The following STK17A variants were observed in gnomAD, a reference collection of about 807,000 sequenced individuals.
The protein encoded by STK17A is serine/threonine-protein kinase 17A.
In STK17A, 26 loss-of-function variants were observed where a neutral mutation model predicts 43.7. The ratio of observed to expected loss-of-function variants is 0.60; its 90% CI spans 0.44 to 0.83. STK17A has a LOEUF of 0.83. Among genes scored for constraint, STK17A ranks in the 40% least tolerant of loss-of-function variants. STK17A has a pLI of 0.00. For missense variants in STK17A, 476 were observed against 511.6 expected, an observed-to-expected ratio of 0.93 and a Z score of 0.67; for synonymous variants, 191 against 182.5, an observed-to-expected ratio of 1.05 and a Z score of -0.38.
chr7:43,625,663 G>A lies in STK17A; in HGVS notation c.*821G>A, dbSNP rs1020048263. On this transcript the variant is annotated 3_prime_UTR_variant, in exon 7 of 7. Transcript: ENST00000319357. ...TAATTTTGGCCACTTGTAGGTATCA[G>A]TGTGATCTGATCAACACTCTGGTTA... is the stretch of plus-strand genomic sequence containing the variant. 2 of 152,330 alleles carry A rather than the reference G, an allele frequency of 1.3e-5. No homozygotes were observed. The highest frequency in any genetic ancestry group is 4.8e-5 in the African/African-American group (2 of 41,388). The allele number at this position is 152,330 out of a possible 1,614,324, so 9.4% of individuals were successfully genotyped here. A position where few individuals can be genotyped will look rare whatever the true frequency, so the allele number is the denominator to read the frequency against.
At chr7:43,611,675 C>G (rs2082892663) in intron 3 of STK17A, among the ~76,000 whole-genome samples, 1 of 152,200 alleles carries the variant, frequency 6.6e-6, no homozygotes, top group African/African-American at 2.4e-5. Flanking sequence ...TGGGCTAATA[C>G]TTTAAGTATT....
At chr7:43,589,932 A>AT (rs1428027542) in intron 1 of STK17A, among the ~76,000 whole-genome samples, 13 of 113,442 alleles carry the variant, frequency 1.1e-4, no homozygotes, top group South Asian at 5.1e-4. Flanking sequence ...TTTAATTTTA[A>AT]TTTTAATTTT....
At chr7:43,593,023 AC>A (rs539515510) in intron 1 of STK17A, among the ~76,000 whole-genome samples, 60 of 152,320 alleles carry the variant, frequency 3.9e-4, no homozygotes, top group African/African-American at 1.4e-3. Flanking sequence ...TGTGCTCATC[AC>A]CTAAATAGCG....
At chr7:43,618,701 T>C (rs539646738) in intron 3 of STK17A, among the ~76,000 whole-genome samples, 12 of 152,352 alleles carry the variant, frequency 7.9e-5, no homozygotes, top group African/African-American at 2.9e-4. Flanking sequence ...TGTGAAAGTA[T>C]CTTAGGTTAT....
In STK17A at chr7:43,587,025, G is replaced by A. The variant is rs372965975; in HGVS notation, c.206+3576G>A. 2.1e-4 allele frequency among the ~76,000 whole-genome samples: 32 copies of A among 151,116 alleles called. 1 individual carries two copies. Among genetic ancestry groups the A allele is most frequent in the African/African-American group, 7.8e-4 (32 of 41,264 alleles). ...AGTCTTGTGAGAGATAACAGAGCTGGGACTCCTGACTTTGAAATCATTCCC... is the reference window on the plus strand; with the variant it reads ...AGTCTTGTGAGAGATAACAGAGCTGAGACTCCTGACTTTGAAATCATTCCC... On this transcript the variant is annotated intron_variant, in intron 1 of 6. Transcript: ENST00000319357.
chr7:43,608,481 A>T (rs1251003528), intron 3 of STK17A, 81 bp downstream of exon 3: 4 of 1,487,782 alleles, frequency 2.7e-6, no homozygotes, highest in Non-Finnish European at 3.6e-6. Context: ...TTATTCAAAC[A>T]TGTTTCACGT....
intron 3 of STK17A, among the ~76,000 whole-genome samples, chr7:43,618,831 G>A (rs190118030): frequency 5.8e-4 from 89 of 152,244 alleles, no homozygotes; most frequent in African/African-American, 2.0e-3. Context: ...CAAGTCCAGA[G>A]AGAACTTAGG....
chr7:43,584,404 A>C (rs1274943468), intron 1 of STK17A, among the ~76,000 whole-genome samples: 1 of 152,246 alleles, frequency 6.6e-6, no homozygotes, highest in African/African-American at 2.4e-5. Context: ...TAATGATGAC[A>C]GTACCTACCT....
Position 43,624,861 on chromosome 7 carries a change from A to T in STK17A, c.*19A>T. ...CTACTGAGCAATATTTCCCTTTAGA[A>T]CTTCAAGATTTCTACATTGAAAATG... is the stretch of plus-strand genomic sequence containing the variant. On this transcript the variant is annotated 3_prime_UTR_variant, in exon 7 of 7. Transcript: ENST00000319357. 1 of 1,560,762 alleles carries T rather than the reference A, an allele frequency of 6.4e-7. No homozygotes were observed. Among genetic ancestry groups the T allele is most frequent in the African/African-American group, 1.4e-5 (1 of 72,870 alleles).
In STK17A at chr7:43,608,341, C is replaced by A; in HGVS notation, c.505C>A (p.Gln169Lys). The A allele has an allele frequency of 6.2e-7, 1 of 1,614,026 alleles. No individual in the cohort carries two copies. The highest frequency in any genetic ancestry group is 8.5e-7 in the Non-Finnish European group (1 of 1,180,000). The change falls in exon 3 of 7, where the codon CAG becomes AAG. Residue 169 changes from glutamine to lysine, a missense_variant. Coordinates refer to ENST00000319357, the MANE Select transcript of STK17A (RefSeq NM_004760.3). ...AAAAGATGTTCAAAGACTTATGCGA[C>A]AGATTTTAGAAGGTGTTCACTTTTT... ...KEKDVQRLMR[Q>K]ILEGVHFLHT...
At chr7:43,583,653 C>T (rs867590433) in intron 1 of STK17A, among the ~76,000 whole-genome samples, 3 of 152,326 alleles carry the variant, frequency 2.0e-5, no homozygotes, top group Middle Eastern at 3.4e-3. Flanking sequence ...GCGCCGCGCC[C>T]AGCAAGCGAG....
chr7:43,586,982 A>G (rs1158040047), intron 1 of STK17A, among the ~76,000 whole-genome samples: 1 of 151,304 alleles, frequency 6.6e-6, no homozygotes, highest in Non-Finnish European at 1.5e-5. Context: ...CAGATGAGAA[A>G]ACAAAGACAG....
intron 3 of STK17A, among the ~76,000 whole-genome samples, chr7:43,613,821 G>GA (rs2083093983): frequency 6.6e-6 from 1 of 152,130 alleles, no homozygotes; most frequent in South Asian, 2.1e-4. Flanking sequence ...CCAGCCTGGG[G>GA]AACAGAGTGA....
intron 1 of STK17A, 29 bp from the exon 2 acceptor site, chr7:43,595,872 T>G (rs779076517): frequency 6.2e-7 from 1 of 1,605,342 alleles, no homozygotes; most frequent in African/African-American, 1.3e-5. Context: ...TTGTCAACTT[T>G]AACAGTGAAT....
chr7:43,609,913 G>A (rs1563151103), intron 3 of STK17A, among the ~76,000 whole-genome samples: 1 of 152,196 alleles, frequency 6.6e-6, no homozygotes, highest in Non-Finnish European at 1.5e-5. Flanking sequence ...TAATGGCAGT[G>A]TTCTCTGACC....
chr7:43,595,646 C>T (rs1295750872), intron 1 of STK17A, among the ~76,000 whole-genome samples: 2 of 146,932 alleles, frequency 1.4e-5, no homozygotes, highest in Non-Finnish European at 3.1e-5. Flanking sequence ...ATGTGTAACT[C>T]TGCAAAAAAA....
chr7:43,621,051 C>A (rs1324527132), intron 4 of STK17A, among the ~76,000 whole-genome samples: 2 of 152,046 alleles, frequency 1.3e-5, no homozygotes, highest in Non-Finnish European at 2.9e-5. Context: ...GAGGATGTTA[C>A]AAGAAAAGAG....
intron 2 of STK17A, among the ~76,000 whole-genome samples, chr7:43,601,753 T>C (rs2082556977): frequency 1.3e-5 from 2 of 152,236 alleles, no homozygotes. Context: ...CCAGAATGCA[T>C]GCTGTGTGTC....
Position 43,608,257 on chromosome 7 carries a change from G to A in STK17A, c.421G>A (p.Ala141Thr). 1 of 1,610,694 alleles carries A rather than the reference G, an allele frequency of 6.2e-7. No homozygotes were observed. The highest frequency in any genetic ancestry group is 2.2e-5 in the East Asian group (1 of 44,846). The change falls in exon 3 of 7, where the codon GCT (alanine) becomes ACT (threonine). Residue 141 changes from alanine to threonine, a missense_variant and splice_region_variant. By Grantham distance (58) the Ala-to-Thr change is moderately conservative. Transcript: ENST00000319357. ...TACTTTAATTTTGCCCTTCTCTAGT[G>A]CTGCTGGGGGTGAAATCTTTGACCA... The part of the protein sequence containing the change: ...ASEMILVLEY[A>T]AGGEIFDQCV...
Sources: allele counts gnomAD v4.1 joint callset (sites outside exome capture counted in the v4.1 genomes callset), GRCh38; gene constraint gnomAD v4.1.1; transcripts MANE v1.5; gene names NCBI Gene and HGNC (gene_info 2026-07-23, HGNC 2026-07-21).